Variants in KLHL32 observed in about 807,000 individuals in gnomAD.
KLHL32 encodes kelch-like protein 32.
KLHL32 carries 35 observed loss-of-function variants against 64.8 expected under a neutral mutation model. That is an observed-to-expected ratio of 0.54 (90% confidence interval 0.41 to 0.72). The LOEUF is 0.72. Among genes scored for constraint, KLHL32 ranks in the 30% least tolerant of loss-of-function variants. The probability of loss-of-function intolerance (pLI) is 0.00; values close to 1 mark genes in which losing one functional copy is unlikely to be tolerated. For synonymous variants in KLHL32, 259 were observed against 281.0 expected, an observed-to-expected ratio of 0.92 and a Z score of 0.78; for missense variants, 589 against 768.5, an observed-to-expected ratio of 0.77 and a Z score of 2.76.
rs138453173 is a variant in KLHL32 at position 96,934,471 on chromosome 6, A to C, written c.-66+9445A>C. Among the ~76,000 whole-genome samples the C allele has an allele frequency of 1.9e-3, 292 of 152,356 alleles. 3 individuals carry two copies. The highest frequency in any genetic ancestry group is 1.1e-3 in the Non-Finnish European group (72 of 68,032). On this transcript the variant is annotated intron_variant, in intron 1 of 10. Coordinates refer to ENST00000369261, the MANE Select transcript of KLHL32 (RefSeq NM_052904.4). ...TTAACAACAACAACAAAAAAATAGC[A>C]AGTTAAATCAGTTCTGATGTCAGTG...
intron 5 of KLHL32, among the ~76,000 whole-genome samples, chr6:97,073,485 A>G (rs1467098463): frequency 6.6e-6 from 1 of 152,174 alleles, no homozygotes; most frequent in Non-Finnish European, 1.5e-5. Context: ...ATTTTGTTGT[A>G]TTGTTTCCCC....
chr6:97,016,615 G>A (rs1253032422), intron 3 of KLHL32, among the ~76,000 whole-genome samples: 3 of 152,172 alleles, frequency 2.0e-5, no homozygotes, highest in Non-Finnish European at 4.4e-5. Context: ...TTTGGATTTG[G>A]ACTTTTGAGT....
chr6:96,959,178 C>T (rs1773613259), intron 1 of KLHL32, among the ~76,000 whole-genome samples: 1 of 152,144 alleles, frequency 6.6e-6, no homozygotes. Flanking sequence ...GCCACTGTCT[C>T]AGGCCCCAGG....
At chr6:96,946,747 T>C (rs972331891) in intron 1 of KLHL32, among the ~76,000 whole-genome samples, 5 of 152,204 alleles carry the variant, frequency 3.3e-5, no homozygotes, top group African/African-American at 9.6e-5. Flanking sequence ...AGGTAGATCC[T>C]AATGAGATAA....
chr6:97,025,254 T>C (rs1009984203), intron 3 of KLHL32: 1 of 437,786 alleles, frequency 2.3e-6, no homozygotes, highest in Non-Finnish European at 3.0e-6. Flanking sequence ...ATGATCCAGC[T>C]GCTTGTTGAA....
At chr6:97,136,911 G>A (rs1327730240) in intron 10 of KLHL32, among the ~76,000 whole-genome samples, 1 of 152,172 alleles carries the variant, frequency 6.6e-6, no homozygotes, top group Non-Finnish European at 1.5e-5. Context: ...TTTCAGTCAG[G>A]AGGGAGGGCA....
At chr6:96,908,722 C>G in the KLHL32 span, among the ~76,000 whole-genome samples, 1 of 152,048 alleles carries the variant, frequency 6.6e-6, no homozygotes, top group Non-Finnish European at 1.5e-5. Context: ...CAATGAACAG[C>G]TGTCCACTGT....
At chr6:96,927,066 G>T (rs1769253567) in intron 1 of KLHL32, among the ~76,000 whole-genome samples, 2 of 152,076 alleles carry the variant, frequency 1.3e-5, no homozygotes, top group South Asian at 2.1e-4. Context: ...CAATAAACAG[G>T]TTCAAAAATT....
intron 5 of KLHL32, among the ~76,000 whole-genome samples, chr6:97,076,218 T>G (rs1385929535): frequency 6.6e-6 from 1 of 152,188 alleles, no homozygotes; most frequent in African/African-American, 2.4e-5. Flanking sequence ...CAGCTATGGT[T>G]TTTGCTGACA....
chr6:96,950,557 A>G (rs1052956780), intron 1 of KLHL32, among the ~76,000 whole-genome samples: 1 of 152,066 alleles, frequency 6.6e-6, no homozygotes, highest in Non-Finnish European at 1.5e-5. Context: ...TTACTCCTTT[A>G]CATGCATTCC....
intron 10 of KLHL32, among the ~76,000 whole-genome samples, chr6:97,137,692 G>A (rs1800191530): frequency 6.6e-6 from 1 of 151,998 alleles, no homozygotes; most frequent in Non-Finnish European, 1.5e-5. Flanking sequence ...CCGCCACCAC[G>A]CCTGGCTAAT....
At chr6:97,014,459 T>C (rs1780865796) in intron 3 of KLHL32, among the ~76,000 whole-genome samples, 1 of 152,110 alleles carries the variant, frequency 6.6e-6, no homozygotes, top group South Asian at 2.1e-4. Flanking sequence ...TACTCAACAG[T>C]ATGGTGATGG....
At chr6:97,034,062 T>A (rs989825728) in intron 3 of KLHL32, among the ~76,000 whole-genome samples, 4 of 152,164 alleles carry the variant, frequency 2.6e-5, no homozygotes, top group African/African-American at 9.6e-5. Context: ...TTGCTTTTGT[T>A]GCCAGTAGTT....
intron 3 of KLHL32, among the ~76,000 whole-genome samples, chr6:97,002,454 AC>A (rs1562232587): frequency 2.0e-5 from 3 of 152,178 alleles, no homozygotes; most frequent in African/African-American, 7.2e-5. Flanking sequence ...TCTATGAAGA[AC>A]CCATATTTTT....
Position 97,072,835 on chromosome 6 carries a change from C to T in KLHL32, c.411+8109C>T, listed in dbSNP as rs76404500. 6.5e-3 allele frequency among the ~76,000 whole-genome samples: 984 copies of T among 152,150 alleles called. 3 individuals carry two copies. Among genetic ancestry groups the T allele is most frequent in the Non-Finnish European group, 8.8e-3 (595 of 67,992 alleles). ...AATTATGGGCAATCTTCTGGGAGGC[C>T]ATATTGTTTGTGTTAATTTACTTAT... On this transcript the variant is annotated intron_variant, in intron 5 of 10. Coordinates refer to ENST00000369261, the MANE Select transcript of KLHL32 (RefSeq NM_052904.4).
At chr6:96,967,354 T>C (rs1212541279) in intron 2 of KLHL32, among the ~76,000 whole-genome samples, 8 of 151,994 alleles carry the variant, frequency 5.3e-5, no homozygotes, top group Non-Finnish European at 1.2e-4. Flanking sequence ...CCCTCAAACA[T>C]GAGGTATGCT....
At chr6:96,925,640 CA>C (rs1240424392) in intron 1 of KLHL32, among the ~76,000 whole-genome samples, 1 of 152,136 alleles carries the variant, frequency 6.6e-6, no homozygotes, top group East Asian at 1.9e-4. Context: ...AAATTAAAAG[CA>C]GATGATTTAA....
chr6:96,924,452 G>A (rs1482624221), upstream of KLHL32, among the ~76,000 whole-genome samples: 1 of 147,300 alleles, frequency 6.8e-6, no homozygotes, highest in Non-Finnish European at 1.5e-5. Context: ...GGCGCGCGCT[G>A]GCAGCTCGCC....
chr6:97,056,937 T>C (rs1788044058), intron 4 of KLHL32, among the ~76,000 whole-genome samples: 1 of 152,198 alleles, frequency 6.6e-6, no homozygotes, highest in South Asian at 2.1e-4. Flanking sequence ...GCATGAAAAC[T>C]GCCAGAGACA....
Sources: gnomAD v4.1 joint callset for allele counts (sites outside exome capture counted in the v4.1 genomes callset) on GRCh38, gnomAD v4.1.1 for gene constraint, MANE v1.5 for transcripts, NCBI Gene and HGNC (gene_info 2026-07-23, HGNC 2026-07-21) for gene names.